UBASH3B: variants seen among roughly 807,000 people sequenced by gnomAD.
UBASH3B encodes ubiquitin-associated and SH3 domain-containing protein B.
In UBASH3B, 37 loss-of-function variants were observed where a neutral mutation model predicts 83.4. The observed-to-expected ratio is 0.44, with a 90% confidence interval of 0.34 to 0.58. UBASH3B has a LOEUF of 0.58. Among genes scored for constraint, UBASH3B ranks in the 20% least tolerant of loss-of-function variants. The pLI is 0.01. For synonymous variants in UBASH3B, 304 were observed against 318.3 expected, an observed-to-expected ratio of 0.96 and a Z score of 0.48; for missense variants, 657 against 827.2, an observed-to-expected ratio of 0.79 and a Z score of 2.52.
chr11:122,691,948 T>G (rs528823816), intron 1 of UBASH3B, among the ~76,000 whole-genome samples: 11 of 152,248 alleles, frequency 7.2e-5, no homozygotes, highest in South Asian at 2.1e-4. Flanking sequence ...CTTCTGATCA[T>G]GAAGGAGGGC....
intron 1 of UBASH3B, among the ~76,000 whole-genome samples, chr11:122,728,416 C>T (rs771750397): frequency 5.3e-5 from 8 of 152,172 alleles, no homozygotes; most frequent in Admixed American, 6.5e-5. Flanking sequence ...GGGAATTAAG[C>T]GTAGCTGACA....
At position 122,731,971 on chromosome 11, in the gene UBASH3B, G is replaced by A. The variant is rs927351870; in HGVS notation, c.162-44248G>A. On this transcript the variant is annotated intron_variant, in intron 1 of 13. Transcript: ENST00000284273. Reference sequence around the variant, plus strand: ...GTTTGAAGGAGATGTGCATACCCTGGAGCCTATGTGTCTCCCACCCCGACG... The same window carrying A: ...GTTTGAAGGAGATGTGCATACCCTGAAGCCTATGTGTCTCCCACCCCGACG... 2.0e-5 allele frequency among the ~76,000 whole-genome samples: 3 copies of A among 150,276 alleles called. No individual in the cohort carries two copies. In the Admixed American group the frequency reaches 2.0e-4, roughly 10 times the overall value.
chr11:122,766,567 A>G (rs1485831819), intron 1 of UBASH3B, among the ~76,000 whole-genome samples: 1 of 151,452 alleles, frequency 6.6e-6, no homozygotes, highest in African/African-American at 2.4e-5. Flanking sequence ...ATAATAATAA[A>G]TAAATACCAA....
chr11:122,673,575 C>T (rs7940461), intron 1 of UBASH3B, among the ~76,000 whole-genome samples: 20,455 of 152,164 alleles, frequency 0.13, 1,452 homozygotes, highest in African/African-American at 0.17. Flanking sequence ...AGGAGAATGG[C>T]GTGAACCCGG....
chr11:122,715,888 A>G (rs1860517311), intron 1 of UBASH3B, among the ~76,000 whole-genome samples: 2 of 152,216 alleles, frequency 1.3e-5, no homozygotes, highest in African/African-American at 4.8e-5. Flanking sequence ...GCCAAGGACT[A>G]GAGGGTCATG....
At chr11:122,698,031 A>G (rs1384827438) in intron 1 of UBASH3B, among the ~76,000 whole-genome samples, 1 of 152,148 alleles carries the variant, frequency 6.6e-6, no homozygotes, top group Non-Finnish European at 1.5e-5. Flanking sequence ...ATTTGAACCT[A>G]GATTTGTCTC....
chr11:122,722,669 AG>A (rs1398125302), intron 1 of UBASH3B, among the ~76,000 whole-genome samples: 2 of 151,624 alleles, frequency 1.3e-5, no homozygotes, highest in Admixed American at 1.3e-4. Flanking sequence ...TGACAGCTCT[AG>A]GGGGTTACCC....
At chr11:122,718,601 A>C (rs1860566300) in intron 1 of UBASH3B, among the ~76,000 whole-genome samples, 1 of 152,222 alleles carries the variant, frequency 6.6e-6, no homozygotes, top group African/African-American at 2.4e-5. Flanking sequence ...AAGCAAATTA[A>C]CACTGCACCC....
intron 1 of UBASH3B, among the ~76,000 whole-genome samples, chr11:122,768,728 A>G (rs966662817): frequency 2.0e-5 from 3 of 151,398 alleles, no homozygotes; most frequent in Non-Finnish European, 2.9e-5. Flanking sequence ...CTGGTCTCAA[A>G]CTCCTGATCT....
chr11:122,731,556 C>T (rs966003331), intron 1 of UBASH3B, among the ~76,000 whole-genome samples: 3 of 151,984 alleles, frequency 2.0e-5, no homozygotes, highest in South Asian at 2.1e-4. Flanking sequence ...GACTAACAGG[C>T]GGAGAGTGCA....
At chr11:122,762,521 A>G (rs1861387935) in intron 1 of UBASH3B, among the ~76,000 whole-genome samples, 1 of 152,164 alleles carries the variant, frequency 6.6e-6, no homozygotes, top group Admixed American at 6.5e-5. Flanking sequence ...AGAAGACAAC[A>G]GTGGGAAATG....
chr11:122,800,080 A>T (rs1861225300), intron 10 of UBASH3B, among the ~76,000 whole-genome samples: 2 of 152,356 alleles, frequency 1.3e-5, no homozygotes, highest in East Asian at 1.9e-4. Context: ...AGCCAGTTAC[A>T]CTACAGTAAA....
Position 122,797,016 on chromosome 11 carries a change from T to G in UBASH3B, c.1340T>G (p.Met447Arg). The G allele has an allele frequency of 6.2e-7, 1 of 1,612,128 alleles. No individual in the cohort carries two copies. The highest frequency in any genetic ancestry group is 8.5e-7 in the Non-Finnish European group (1 of 1,178,960). ...KDAPITVFGC[M>R]QARLVGEALL... is the part of the protein sequence containing the mutation. ...GCTCCCATCACTGTGTTTGGATGCA[T>G]GCAAGCAAGACTAGTGGGTAAGTAT... The change falls in exon 9 of 14, where the codon ATG (methionine) becomes AGG (arginine). Residue 447 changes from methionine to arginine, a missense_variant. Coordinates refer to ENST00000284273, the MANE Select transcript of UBASH3B (RefSeq NM_032873.5).
chr11:122,663,282 C>T (rs1228527679), intron 1 of UBASH3B, among the ~76,000 whole-genome samples: 5 of 152,146 alleles, frequency 3.3e-5, no homozygotes, highest in Admixed American at 6.5e-5. Flanking sequence ...TGGCCTTACG[C>T]CAGAATTTCT....
At chr11:122,753,747 G>A (rs113219272) in intron 1 of UBASH3B, among the ~76,000 whole-genome samples, 2,569 of 151,850 alleles carry the variant, frequency 0.017, 32 homozygotes, top group Non-Finnish European at 0.026. Flanking sequence ...CACCTGCCTC[G>A]GCCTCCCAAA....
chr11:122,684,117 G>A (rs1054439237), intron 1 of UBASH3B, among the ~76,000 whole-genome samples: 12 of 152,144 alleles, frequency 7.9e-5, no homozygotes, highest in East Asian at 1.9e-4. Flanking sequence ...TGGGAAAGTC[G>A]CTGAAGAATA....
chr11:122,656,962 A>G (rs1383229589), intron 1 of UBASH3B, among the ~76,000 whole-genome samples: 2 of 152,062 alleles, frequency 1.3e-5, no homozygotes, highest in Admixed American at 1.3e-4. Context: ...CTGCCCCTGG[A>G]GCCTGCTGGG....
At chr11:122,676,340 G>T (rs1215145171) in intron 1 of UBASH3B, among the ~76,000 whole-genome samples, 2 of 152,152 alleles carry the variant, frequency 1.3e-5, no homozygotes, top group African/African-American at 4.8e-5. Context: ...AGGAGTTCAA[G>T]ACCAGCCTGG....
At chr11:122,699,521 TTC>T (rs1196022609) in intron 1 of UBASH3B, among the ~76,000 whole-genome samples, 1 of 116,998 alleles carries the variant, frequency 8.5e-6, no homozygotes, top group Non-Finnish European at 1.7e-5. Flanking sequence ...TTCTTTCTCT[TTC>T]TTTCTTTCTC....
Sources: gnomAD v4.1 joint callset for allele counts (sites outside exome capture counted in the v4.1 genomes callset) on GRCh38, gnomAD v4.1.1 for gene constraint, MANE v1.5 for transcripts, NCBI Gene and HGNC (gene_info 2026-07-23, HGNC 2026-07-21) for gene names.